OR9A4: variants seen among roughly 807,000 people sequenced by gnomAD.
OR9A4 encodes olfactory receptor family 9 subfamily A member 4.
Under a neutral mutation model 17.1 loss-of-function variants are expected in OR9A4, and 16 were observed. The ratio of observed to expected loss-of-function variants is 0.94; its 90% confidence interval spans 0.64 to 1.43. OR9A4 has a LOEUF of 1.43. Among genes scored for constraint, OR9A4 ranks in the 40% most tolerant of loss-of-function variants. OR9A4 has a pLI of 0.00. For synonymous variants in OR9A4, 167 were observed against 143.3 expected (o/e 1.17, Z -1.18); for missense variants, 392 against 382.1 (o/e 1.03, Z -0.22).
At position 141,919,417 on chromosome 7, in the gene OR9A4, G is replaced by A. The variant is rs782482254; in HGVS notation, c.542G>A (p.Arg181Gln). 8.1e-6 allele frequency: 13 copies of A among 1,613,784 alleles called. No homozygotes were observed. The highest frequency in any genetic ancestry group is 4.0e-5 in the African/African-American group (3 of 74,832). ...GTGGTGAACAATTTTTTTTGTGACCGAGGGCAATTGCTCAAACTATCCTGC... is the reference window on the plus strand; with the variant it reads ...GTGGTGAACAATTTTTTTTGTGACCAAGGGCAATTGCTCAAACTATCCTGC... ...SNVVNNFFCD[R>Q]GQLLKLSCNN... Residue 181 changes from arginine (R) to glutamine (Q), a missense_variant, in exon 2 of 2, where the codon CGA (arginine) becomes CAA (glutamine). Coordinates refer to ENST00000641559, the MANE Select transcript of OR9A4 (RefSeq NM_001001656.3).
intron 1 of OR9A4, among the ~76,000 whole-genome samples, chr7:141,918,264 G>A (rs1211587066): frequency 1.3e-5 from 2 of 152,098 alleles, no homozygotes; most frequent in Admixed American, 1.3e-4. Flanking sequence ...GCACCAACAT[G>A]CCCAGCTAAT....
intron 1 of OR9A4, 150 bp from the exon 2 acceptor site, chr7:141,918,696 A>G (rs1802224408): frequency 3.6e-6 from 2 of 563,296 alleles, no homozygotes; most frequent in South Asian, 2.6e-5. Flanking sequence ...AAAGATATAT[A>G]TTCTTCATGA....
rs1554439242 is a variant in OR9A4 at position 141,920,527 on chromosome 7, C to G, written c.*707C>G. ...GTGAGAGATCCTAGGGAAGGCATAACAAAGATGCTGAAATGGAGTGTGCAG... is the reference window on the plus strand; with the variant it reads ...GTGAGAGATCCTAGGGAAGGCATAAGAAAGATGCTGAAATGGAGTGTGCAG... On this transcript the variant is annotated 3_prime_UTR_variant, in exon 2 of 2. Coordinates refer to ENST00000641559, the MANE Select transcript of OR9A4 (RefSeq NM_001001656.3). 1 of 150,742 alleles carries G rather than the reference C, an allele frequency of 6.6e-6. No homozygotes were observed. The highest frequency in any genetic ancestry group is 6.6e-5 in the Admixed American group (1 of 15,102). The allele number at this position is 150,742 out of a possible 1,614,324, so 9.3% of individuals were successfully genotyped here.
chr7:141,918,789 T>A, intron 1 of OR9A4, 57 bp from the exon 2 acceptor site: 1 of 1,012,284 alleles, frequency 9.9e-7, no homozygotes, highest in Non-Finnish European at 1.5e-6. Context: ...TTTTTCAACC[T>A]GAAATGTCCT....
At position 141,920,136 on chromosome 7, in the gene OR9A4, A is replaced by C; in HGVS notation, c.*316A>C. 4.7e-6 allele frequency: 1 copy of C among 214,182 alleles called. No individual in the cohort carries two copies. Among genetic ancestry groups the C allele is most frequent in the Non-Finnish European group, 9.4e-6 (1 of 106,836 alleles). 13.3% of individuals were successfully genotyped at this position (214,182 alleles called of 1,614,324 possible). On this transcript the variant is annotated 3_prime_UTR_variant, in exon 2 of 2. Coordinates refer to ENST00000641559, the MANE Select transcript of OR9A4 (RefSeq NM_001001656.3). ...GATAGACTATCTATATAGTCTAGAA[A>C]ATAGACTAGTGGTTGCTTAGGGCTG...
chr7:141,919,851 CACTTAGT>C lies in OR9A4; in HGVS notation c.*33_*39del, dbSNP rs1269924119. The stretch of plus-strand genomic sequence containing the variant: ...CTCTGAGGACTTTTACATGGTAAAG[CACTTAGT>C]ATGGATTCTAGAATAATCTGAAAAG... On this transcript the variant is annotated 3_prime_UTR_variant, in exon 2 of 2. Transcript: ENST00000641559. 27 of 1,476,368 alleles carry C rather than the reference CACTTAGT, an allele frequency of 1.8e-5. No individual in the cohort carries two copies. The highest frequency in any genetic ancestry group is 2.5e-5 in the Non-Finnish European group (27 of 1,079,596). 91.5% of individuals were successfully genotyped at this position (1,476,368 alleles called of 1,614,324 possible).
rs782456951 is a variant in OR9A4 at position 141,919,194 on chromosome 7, G to C, written c.319G>C (p.Val107Leu). The change falls in exon 2 of 2, where the codon GTG becomes CTG. Residue 107 changes from valine (V) to leucine (L), a missense_variant. Val to Leu is a conservative substitution (Grantham distance 32, BLOSUM62 1). Coordinates refer to ENST00000641559, the MANE Select transcript of OR9A4 (RefSeq NM_001001656.3). ...CVVQLFLYLA[V>L]GTTEFALLGA... Reference sequence around the variant, plus strand: ...TGTCCAGCTCTTCTTGTACCTTGCTGTGGGGACAACAGAGTTCGCATTACT... The same window carrying C: ...TGTCCAGCTCTTCTTGTACCTTGCTCTGGGGACAACAGAGTTCGCATTACT... 1.4e-5 allele frequency: 23 copies of C among 1,614,150 alleles called. No individual in the cohort carries two copies. The highest frequency in any genetic ancestry group is 1.7e-5 in the Non-Finnish European group (20 of 1,180,030).
rs1554439195 is a variant in OR9A4 at position 141,919,863 on chromosome 7, A to T, written c.*43A>T. On this transcript the variant is annotated 3_prime_UTR_variant, in exon 2 of 2. Coordinates refer to ENST00000641559, the MANE Select transcript of OR9A4 (RefSeq NM_001001656.3). ...TTACATGGTAAAGCACTTAGTATGG[A>T]TTCTAGAATAATCTGAAAAGAACTT... The T allele has an allele frequency of 4.3e-6, 6 of 1,398,984 alleles. No individual in the cohort carries two copies. In the African/African-American group the frequency reaches 8.6e-5, roughly 20 times the overall value. 86.7% of individuals were successfully genotyped at this position (1,398,984 alleles called of 1,614,324 possible).
chr7:141,917,040 C>T (rs1162046155), intron 1 of OR9A4, among the ~76,000 whole-genome samples: 5 of 152,006 alleles, frequency 3.3e-5, no homozygotes, highest in Non-Finnish European at 7.4e-5. Context: ...GATTTTTTTT[C>T]TTTAATCTAT....
intron 1 of OR9A4, among the ~76,000 whole-genome samples, chr7:141,918,466 C>T (rs1299097194): frequency 1.3e-5 from 2 of 152,108 alleles, no homozygotes; most frequent in African/African-American, 4.8e-5. Context: ...ACATAATAGG[C>T]AGAGAAGGCA....
In OR9A4 at chr7:141,919,194, G is replaced by A; in HGVS notation, c.319G>A (p.Val107Met). The change falls in exon 2 of 2, where the codon GTG becomes ATG. Residue 107 changes from valine (V) to methionine (M), a missense_variant. Val to Met is a conservative substitution (Grantham distance 21). Transcript: ENST00000641559. ...TGTCCAGCTCTTCTTGTACCTTGCT[G>A]TGGGGACAACAGAGTTCGCATTACT... is the stretch of plus-strand genomic sequence containing the variant. ...CVVQLFLYLA[V>M]GTTEFALLGA... 7 of 1,614,150 alleles carry A rather than the reference G, an allele frequency of 4.3e-6. No individual in the cohort carries two copies. The highest frequency in any genetic ancestry group is 4.2e-6 in the Non-Finnish European group (5 of 1,180,030).
Position 141,919,599 on chromosome 7 carries a change from G to A in OR9A4, c.724G>A (p.Ala242Thr), listed in dbSNP as rs534534844. 2.5e-6 allele frequency: 4 copies of A among 1,614,028 alleles called. No individual in the cohort carries two copies. In the South Asian group the frequency reaches 3.3e-5, roughly 13 times the overall value. The change falls in exon 2 of 2, where the codon GCC (alanine) becomes ACC (threonine). Residue 242 changes from alanine to threonine, a missense_variant. Physicochemically the swap from Ala to Thr is moderately conservative, Grantham distance 58. Transcript: ENST00000641559. ...CCGGAGGAAATCCTTCTCCACTTGT[G>A]CCTCCCACTTCACCTGTGTTGTGAT... ...SGRRKSFSTC[A>T]SHFTCVVIGY...
chr7:141,919,860 T>A lies in OR9A4; in HGVS notation c.*40T>A. The A allele has an allele frequency of 7.0e-7, 1 of 1,431,276 alleles. No homozygotes were observed. The allele number at this position is 1,431,276 out of a possible 1,614,324, so 88.7% of individuals were successfully genotyped here. Reference sequence around the variant, plus strand: ...CTTTTACATGGTAAAGCACTTAGTATGGATTCTAGAATAATCTGAAAAGAA... The same window carrying A: ...CTTTTACATGGTAAAGCACTTAGTAAGGATTCTAGAATAATCTGAAAAGAA... On this transcript the variant is annotated 3_prime_UTR_variant, in exon 2 of 2. Coordinates refer to ENST00000641559, the MANE Select transcript of OR9A4 (RefSeq NM_001001656.3).
Position 141,919,484 on chromosome 7 carries a change from T to C in OR9A4, c.609T>C (p.Ala203=), listed in dbSNP as rs782820658. 6.2e-7 allele frequency: 1 copy of C among 1,614,186 alleles called. No homozygotes were observed. The highest frequency in any genetic ancestry group is 1.1e-5 in the South Asian group (1 of 91,086). ...LFTEFILFLM[A]VFVLFGSLIP... is the part of the protein sequence containing the mutation. ...CGGAGTTTATCCTCTTCTTAATGGC[T>C]GTTTTTGTTCTCTTTGGTTCTTTGA... is the stretch of plus-strand genomic sequence containing the variant. The change falls in exon 2 of 2, where the codon GCT becomes GCC. Residue 203 remains alanine, a synonymous_variant. Transcript: ENST00000641559.
rs1554439157 is a variant in OR9A4, at chr7:141,919,712, A to G, written c.837A>G (p.Ser279=). The G allele has an allele frequency of 1.9e-6, 3 of 1,614,190 alleles. No individual in the cohort carries two copies. The East Asian group carries it at 6.7e-5, about 36-fold the overall frequency. Residue 279 remains serine (S), a synonymous_variant, in exon 2 of 2, where the codon TCA becomes TCG. Transcript: ENST00000641559. ...DYNWVVSLMV[S]VVTPFLNPFI... is the part of the protein sequence containing the mutation. ...ATTGGGTAGTTTCCCTGATGGTTTC[A>G]GTAGTAACTCCTTTCCTCAATCCTT... is the stretch of plus-strand genomic sequence containing the variant.
At chr7:141,917,265 A>G (rs1320516147) in intron 1 of OR9A4, among the ~76,000 whole-genome samples, 1 of 152,178 alleles carries the variant, frequency 6.6e-6, no homozygotes, top group Non-Finnish European at 1.5e-5. Context: ...ATTAGTATGA[A>G]AAATGTAGCC....
At position 141,919,891 on chromosome 7, in the gene OR9A4, T is replaced by C; in HGVS notation, c.*71T>C. The C allele has an allele frequency of 8.2e-7, 1 of 1,219,102 alleles. No individual in the cohort carries two copies. The highest frequency in any genetic ancestry group is 1.2e-6 in the Non-Finnish European group (1 of 866,896). The allele number at this position is 1,219,102 out of a possible 1,614,324, so 75.5% of individuals were successfully genotyped here. ...CTAGAATAATCTGAAAAGAACTTGC[T>C]CATCTTTGAACTGCATCATAATTAT... On this transcript the variant is annotated 3_prime_UTR_variant, in exon 2 of 2. Transcript: ENST00000641559.
Position 141,919,197 on chromosome 7 carries a change from G to T in OR9A4, c.322G>T (p.Gly108Trp). ...CCAGCTCTTCTTGTACCTTGCTGTG[G>T]GGACAACAGAGTTCGCATTACTTGG... ...VVQLFLYLAV[G>W]TTEFALLGAM... The change falls in exon 2 of 2, where the codon GGG becomes TGG. Residue 108 changes from glycine to tryptophan, a missense_variant. By Grantham distance (184) the Gly-to-Trp change is radical. Transcript: ENST00000641559. The T allele has an allele frequency of 3.1e-6, 5 of 1,614,058 alleles. No individual in the cohort carries two copies. Among genetic ancestry groups the T allele is most frequent in the Non-Finnish European group, 4.2e-6 (5 of 1,180,022 alleles).
At position 141,918,990 on chromosome 7, in the gene OR9A4, A is replaced by T; in HGVS notation, c.115A>T (p.Met39Leu). 2 of 1,614,018 alleles carry T rather than the reference A, an allele frequency of 1.2e-6. No individual in the cohort carries two copies. The highest frequency in any genetic ancestry group is 1.7e-6 in the Non-Finnish European group (2 of 1,180,014). Residue 39 changes from methionine (M) to leucine (L), a missense_variant, in exon 2 of 2, where the codon ATG becomes TTG. Met to Leu is a conservative substitution (Grantham distance 15, BLOSUM62 2). Transcript: ENST00000641559. ...IFFFFYLVTL[M>L]GNTVIIMIVC... ...CTTCTTTTTCTACTTGGTGACATTA[A>T]TGGGAAACACAGTCATCATCATGAT... is the stretch of plus-strand genomic sequence containing the variant.
Sources: allele counts gnomAD v4.1 joint callset (sites outside exome capture counted in the v4.1 genomes callset), GRCh38; gene constraint gnomAD v4.1.1; transcripts MANE v1.5; gene names NCBI Gene and HGNC (gene_info 2026-07-23, HGNC 2026-07-21).